Variants in PKHD1 observed in about 807,000 individuals in gnomAD.
The protein encoded by PKHD1 is fibrocystin.
Under a neutral mutation model 412.0 loss-of-function variants are expected in PKHD1, and 291 were observed. The ratio of observed to expected loss-of-function variants is 0.71; its 90% confidence interval spans 0.64 to 0.78. The LOEUF (loss-of-function observed/expected upper bound fraction) is 0.78. PKHD1 is among the 30% of genes least tolerant of loss of function. The probability of loss-of-function intolerance (pLI) is 0.00; values close to 1 mark genes in which losing one functional copy is unlikely to be tolerated. For missense variants in PKHD1, 4,825 were observed against 4,950.7 expected (o/e 0.97, Z 0.76); for synonymous variants, 1,777 against 1,821.5 (o/e 0.98, Z 0.62).
chr6:52,006,145 C>T (rs528194937), intron 35 of PKHD1, among the ~76,000 whole-genome samples: 7 of 151,660 alleles, frequency 4.6e-5, no homozygotes, highest in South Asian at 2.1e-4. Context: ...CACTGCCTCA[C>T]GCCCTCCCAT....
intron 58 of PKHD1, among the ~76,000 whole-genome samples, chr6:51,747,497 G>C (rs1429613405): frequency 6.6e-6 from 1 of 152,106 alleles, no homozygotes. Flanking sequence ...TTGAGGCCAG[G>C]AGTTTGAGAC....
intron 65 of PKHD1, among the ~76,000 whole-genome samples, chr6:51,629,952 G>C (rs1767728215): frequency 6.6e-6 from 1 of 152,114 alleles, no homozygotes; most frequent in Admixed American, 6.6e-5. Context: ...TCAACTACAT[G>C]AGCTTCACAG....
chr6:51,976,588 G>T (rs1345277315), intron 35 of PKHD1, among the ~76,000 whole-genome samples: 1 of 152,170 alleles, frequency 6.6e-6, no homozygotes, highest in African/African-American at 2.4e-5. Context: ...CAATCTAGAT[G>T]TACTAAATGT....
chr6:51,673,592 TGAA>T (rs1196010777), intron 60 of PKHD1, among the ~76,000 whole-genome samples: 7 of 152,166 alleles, frequency 4.6e-5, no homozygotes, highest in African/African-American at 1.7e-4. Context: ...AGAGTTAGGA[TGAA>T]GAAGAGAACA....
At chr6:51,627,591 T>G (rs539483602) in intron 65 of PKHD1, among the ~76,000 whole-genome samples, 1 of 152,066 alleles carries the variant, frequency 6.6e-6, no homozygotes, top group Non-Finnish European at 1.5e-5. Context: ...TTACTAATAC[T>G]TTTTTTAACC....
intron 43 of PKHD1, among the ~76,000 whole-genome samples, chr6:51,890,951 A>G (rs1262120101): frequency 6.6e-6 from 1 of 152,224 alleles, no homozygotes; most frequent in Non-Finnish European, 1.5e-5. Context: ...TGCAGTTGTC[A>G]TCTACTATCA....
At chr6:52,066,106 AGCTTC>A in intron 11 of PKHD1, 29 bp from the exon 12 acceptor site, 17 of 1,048,588 alleles carry the variant, frequency 1.6e-5, no homozygotes, top group Non-Finnish European at 2.4e-5. Flanking sequence ...AAAAAAAGTA[AGCTTC>A]CAAATATAGA....
intron 35 of PKHD1, among the ~76,000 whole-genome samples, chr6:51,979,109 C>A (rs1481657474): frequency 6.6e-6 from 1 of 152,180 alleles, no homozygotes; most frequent in Admixed American, 6.5e-5. Flanking sequence ...AAGTTGTGTC[C>A]ATGACCTCAT....
At chr6:52,052,967 A>G in intron 21 of PKHD1, 109 bp downstream of exon 21, 29 of 992,128 alleles carry the variant, frequency 2.9e-5, no homozygotes, top group Non-Finnish European at 4.6e-5. Context: ...GGCAGGCAAA[A>G]AGGAGGATCA....
chr6:51,852,728 C>T (rs9370071), intron 49 of PKHD1, among the ~76,000 whole-genome samples: 60,207 of 139,674 alleles, frequency 0.43, 13,312 homozygotes, highest in East Asian at 0.85. Flanking sequence ...GGATTGCAAA[C>T]CCTGTTTTTT....
At chr6:51,908,807 C>T (rs993809702) in intron 40 of PKHD1, among the ~76,000 whole-genome samples, 4 of 152,080 alleles carry the variant, frequency 2.6e-5, no homozygotes, top group Admixed American at 2.6e-4. Flanking sequence ...TTTCCCCAGG[C>T]AAAAGATTCC....
intron 12 of PKHD1, 141 bp downstream of exon 12, chr6:52,065,835 A>G: frequency 1.5e-6 from 1 of 676,260 alleles, no homozygotes; most frequent in South Asian, 1.7e-5. Flanking sequence ...CCTGGTCTCA[A>G]CCAAACACAT....
chr6:51,789,062 C>T (rs1405287621), intron 53 of PKHD1, among the ~76,000 whole-genome samples: 7 of 152,074 alleles, frequency 4.6e-5, no homozygotes, highest in Non-Finnish European at 1.5e-5. Context: ...AGTCAGATCC[C>T]ACCTGGGAAT....
intron 48 of PKHD1, among the ~76,000 whole-genome samples, chr6:51,859,525 C>CAAAAAAAAAAA (rs10638642): frequency 8.7e-6 from 1 of 114,678 alleles, no homozygotes; most frequent in Non-Finnish European, 1.7e-5. Context: ...GATTCCGTCC[C>CAAAAAAAAAAA]AAAAAAAAAA....
intron 29 of PKHD1, among the ~76,000 whole-genome samples, chr6:52,031,575 T>C (rs780370774): frequency 3.9e-5 from 6 of 152,242 alleles, no homozygotes; most frequent in Non-Finnish European, 1.5e-5. Flanking sequence ...CTGGGATTCA[T>C]GCAGATTCCA....
In PKHD1 at chr6:52,055,650, A is replaced by C. The variant is rs2128207463; in HGVS notation, c.1773T>G (p.Pro591=). ...PFCGRFSLRQ[P]RHLVLTPPAA... ...CCGGGGGAGTAAGGACAAGGTGTCGAGGCTGACGGAGGCTGAACCTGCCAC... is the reference window on the plus strand; with the variant it reads ...CCGGGGGAGTAAGGACAAGGTGTCGCGGCTGACGGAGGCTGAACCTGCCAC... Residue 591 remains proline (P), a synonymous_variant, in exon 19 of 67, where the codon CCT becomes CCG. Coordinates refer to ENST00000371117, the MANE Select transcript of PKHD1 (RefSeq NM_138694.4). 2 of 1,613,700 alleles carry C rather than the reference A, an allele frequency of 1.2e-6. No homozygotes were observed. Among genetic ancestry groups the C allele is most frequent in the Non-Finnish European group, 1.7e-6 (2 of 1,179,808 alleles).
chr6:51,815,655 C>T (rs193280064), intron 52 of PKHD1, among the ~76,000 whole-genome samples: 10 of 152,242 alleles, frequency 6.6e-5, no homozygotes, highest in Non-Finnish European at 1.5e-4. Flanking sequence ...GCTCTGCAGT[C>T]CAAACAAATA....
At chr6:52,022,475 C>T (rs1801536507) in intron 33 of PKHD1, among the ~76,000 whole-genome samples, 1 of 152,144 alleles carries the variant, frequency 6.6e-6, no homozygotes, top group Non-Finnish European at 1.5e-5. Context: ...TCCATGACTC[C>T]TATAGCTGTC....
chr6:51,982,899 G>T (rs1554177553), intron 35 of PKHD1, among the ~76,000 whole-genome samples: 1 of 46,780 alleles, frequency 2.1e-5, no homozygotes, highest in Non-Finnish European at 5.7e-5. Flanking sequence ...ATAAAAAAAA[G>T]AGAGGCTCCA....
Sources: gnomAD v4.1 joint callset for allele counts (sites outside exome capture counted in the v4.1 genomes callset) on GRCh38, gnomAD v4.1.1 for gene constraint, MANE v1.5 for transcripts, NCBI Gene and HGNC (gene_info 2026-07-23, HGNC 2026-07-21) for gene names.